The following CGREF1 variants were observed in gnomAD, a reference collection of about 807,000 sequenced individuals.
CGREF1 encodes the protein cell growth regulator with EF hand domain protein 1.
In CGREF1, 16 loss-of-function variants were observed where a neutral mutation model predicts 17.4. The observed-to-expected ratio is 0.92, with a 90% confidence interval of 0.62 to 1.40. The LOEUF (loss-of-function observed/expected upper bound fraction) is 1.40, where lower values mean the gene tolerates loss of function less well. Among genes scored for constraint, CGREF1 ranks in the 40% most tolerant of loss-of-function variants. CGREF1 has a pLI of 0.00. For missense variants in CGREF1, 296 were observed against 376.4 expected, an observed-to-expected ratio of 0.79 and a Z score of 1.77; for synonymous variants, 142 against 154.6, an observed-to-expected ratio of 0.92 and a Z score of 0.61.
At chr2:27,099,383 G>A (rs749509415), downstream of CGREF1, 4 of 1,611,806 alleles carry the variant, frequency 2.5e-6, no homozygotes, top group African/African-American at 1.3e-5. Flanking sequence ...GGGGGACGGG[G>A]TGGGCTAACA....
intron 1 of CGREF1, among the ~76,000 whole-genome samples, chr2:27,112,280 A>C (rs1222273312): frequency 6.6e-6 from 1 of 152,178 alleles, no homozygotes; most frequent in Non-Finnish European, 1.5e-5. Context: ...CATTTCAGAA[A>C]AAAATAAACC....
chr2:27,100,378 C>G, downstream of CGREF1: 2 of 1,239,396 alleles, frequency 1.6e-6, no homozygotes, highest in South Asian at 2.5e-5. Flanking sequence ...CTCCCGCTGA[C>G]TGCCCCAGAG....
chr2:27,115,130 C>T (rs918500215), intron 1 of CGREF1, among the ~76,000 whole-genome samples: 6 of 152,128 alleles, frequency 3.9e-5, no homozygotes, highest in Non-Finnish European at 5.9e-5. Context: ...CATGGGTGTG[C>T]GTCCTGTGAA....
chr2:27,103,958 G>A (rs1181951995), intron 2 of CGREF1, among the ~76,000 whole-genome samples: 5 of 152,140 alleles, frequency 3.3e-5, no homozygotes, highest in Admixed American at 3.3e-4. Context: ...ACTCCAGCCT[G>A]GGCGACAGAG....
chr2:27,117,048 G>A (rs181692386), intron 1 of CGREF1, among the ~76,000 whole-genome samples: 1 of 152,124 alleles, frequency 6.6e-6, no homozygotes, highest in Non-Finnish European at 1.5e-5. Flanking sequence ...AAGTAGCTGG[G>A]ATTACAGGTG....
At chr2:27,103,217 G>T (rs1670977728) in intron 2 of CGREF1, 1 of 534,646 alleles carries the variant, frequency 1.9e-6, no homozygotes, top group African/African-American at 2.1e-5. Context: ...AGCGACTTTT[G>T]TCACAGCTAC....
downstream of CGREF1, chr2:27,100,218 C>T (rs1670728427): frequency 3.2e-5 from 13 of 403,110 alleles, 1 homozygote; most frequent in South Asian, 2.1e-4. Flanking sequence ...CGGGGCCCTG[C>T]GTTGTGCAGA....
In CGREF1 at chr2:27,117,756, T is replaced by G. The variant is rs369999990; in HGVS notation, c.-12+1090A>C. Among the ~76,000 whole-genome samples the G allele has an allele frequency of 2.7e-5, 4 of 146,086 alleles. 1 individual carries two copies. ...CGGAGTCTCGCTCTGTCGCCCAGGC[T>G]GGAGTGCAATGGCACGATCTCGGCT... On this transcript the variant is annotated intron_variant, in intron 1 of 5. Transcript: ENST00000402394.
At chr2:27,099,884 T>C, downstream of CGREF1, 1 of 1,543,372 alleles carries the variant, frequency 6.5e-7, no homozygotes, top group Non-Finnish European at 8.8e-7. Flanking sequence ...ACTCTGCCTG[T>C]GTCCTGTGTT....
intron 1 of CGREF1, among the ~76,000 whole-genome samples, chr2:27,112,844 G>A (rs181075148): frequency 2.0e-5 from 3 of 152,198 alleles, no homozygotes; most frequent in Admixed American, 2.0e-4. Flanking sequence ...AATCACGTTC[G>A]AGGAGACAAG....
chr2:27,103,126 T>G, intron 2 of CGREF1: 2 of 985,086 alleles, frequency 2.0e-6, no homozygotes, highest in Non-Finnish European at 2.4e-6. Flanking sequence ...AAGCTCCAAA[T>G]GTGCTCCCAC....
chr2:27,111,949 G>T (rs1256008876), intron 1 of CGREF1, among the ~76,000 whole-genome samples: 2 of 152,200 alleles, frequency 1.3e-5, no homozygotes, highest in Admixed American at 1.3e-4. Context: ...CTCCTCAAGC[G>T]CGGCCAGAGT....
chr2:27,099,981 C>T, downstream of CGREF1: 5 of 892,860 alleles, frequency 5.6e-6, no homozygotes, highest in South Asian at 3.0e-5. Flanking sequence ...CTTCTCCTCT[C>T]AATGTCTGAA....
downstream of CGREF1, chr2:27,099,769 C>T: frequency 6.4e-7 from 1 of 1,552,296 alleles, no homozygotes; most frequent in Non-Finnish European, 8.8e-7. Context: ...GCCGGCTCCT[C>T]ACACACCATG....
intron 1 of CGREF1, among the ~76,000 whole-genome samples, chr2:27,117,190 C>T (rs911072999): frequency 2.0e-5 from 3 of 152,070 alleles, no homozygotes; most frequent in African/African-American, 7.2e-5. Context: ...GGATTACAGG[C>T]ATGAGCCACT....
intron 1 of CGREF1, among the ~76,000 whole-genome samples, chr2:27,104,932 CAATA>C (rs1329054794): frequency 6.6e-6 from 1 of 152,190 alleles, no homozygotes; most frequent in Admixed American, 6.5e-5. Context: ...ACTGCAAACA[CAATA>C]AATCAGGGTC....
intron 1 of CGREF1, among the ~76,000 whole-genome samples, chr2:27,108,000 A>T (rs1343348383): frequency 2.0e-5 from 3 of 151,558 alleles, no homozygotes; most frequent in African/African-American, 7.3e-5. Context: ...AGATTTGAAG[A>T]GGAAACAAAC....
chr2:27,106,533 C>A (rs539045626), intron 1 of CGREF1, among the ~76,000 whole-genome samples: 1 of 152,246 alleles, frequency 6.6e-6, no homozygotes, highest in East Asian at 1.9e-4. Context: ...TTTTGCCTTT[C>A]TTGATTTTGG....
At position 27,101,549 on chromosome 2, in the gene CGREF1, G is replaced by C. The variant is rs1262649287; in HGVS notation, c.682C>G (p.Gln228Glu). The change falls in exon 6 of 6, where the codon CAG (glutamine) becomes GAG (glutamate). Residue 228 changes from glutamine to glutamate, a missense_variant. By Grantham distance (29) the Gln-to-Glu change is conservative (BLOSUM62 2). Around this residue, in one of 3 missense-constraint regions of CGREF1, gnomAD observed 247 missense variants for 267.2 expected, o/e 0.92. Transcript: ENST00000402394. ...VPGPRGEAEGQAEAKGDAPGP... is the reference protein window; with the variant it reads ...VPGPRGEAEGEAEAKGDAPGP... ...GGGGCATCTCCTTTAGCCTCTGCCT[G>C]GCCCTCAGCTTCCCCTCTGGGCCCT... The C allele has an allele frequency of 3.1e-6, 5 of 1,612,308 alleles. No individual in the cohort carries two copies. In the Admixed American group the frequency reaches 6.7e-5, roughly 22 times the overall value.
Sources: gnomAD v4.1 joint callset for allele counts (sites outside exome capture counted in the v4.1 genomes callset) on GRCh38, gnomAD v4.1.1 for gene constraint, gnomAD v4.1.1 regional missense constraint, MANE v1.5 for transcripts, NCBI Gene and HGNC (gene_info 2026-07-23, HGNC 2026-07-21) for gene names.